Variants in GINS4 observed in about 807,000 individuals in gnomAD.
GINS4 encodes the protein DNA replication complex GINS protein SLD5.
Under a neutral mutation model 31.1 loss-of-function variants are expected in GINS4, and 20 were observed. The ratio of observed to expected loss-of-function variants is 0.64; its 90% CI spans 0.45 to 0.93. GINS4 has a LOEUF of 0.93. Among genes scored for constraint, GINS4 ranks in the 40% least tolerant of loss-of-function variants. GINS4 has a pLI of 0.00. For missense variants in GINS4, 245 were observed against 273.9 expected (o/e 0.89, Z 0.75); for synonymous variants, 85 against 97.9 (o/e 0.87, Z 0.78).
At chr8:41,541,006 C>T (rs530964107) in intron 6 of GINS4, among the ~76,000 whole-genome samples, 75 of 152,296 alleles carry the variant, frequency 4.9e-4, no homozygotes, top group Middle Eastern at 6.8e-3. Flanking sequence ...TATAAGATCA[C>T]TAATCCTAGT....
Position 41,530,239 on chromosome 8 carries a change from G to C in GINS4, c.37G>C (p.Asp13His). Reference protein sequence around the residue: ...EEVDFLGQDSDGGSEEVVLTP... With the variant: ...EEVDFLGQDSHGGSEEVVLTP... ...AGTGGATTTCCTGGGACAGGACTCT[G>C]ATGGGGGTAGTGAGGAAGTGGTCCT... The change falls in exon 2 of 8, where the codon GAT (aspartate) becomes CAT (histidine). Residue 13 changes from aspartate to histidine, a missense_variant. Physicochemically the swap from Asp to His is moderately conservative, Grantham distance 81. Coordinates refer to ENST00000276533, the MANE Select transcript of GINS4 (RefSeq NM_032336.3). The C allele has an allele frequency of 6.2e-7, 1 of 1,614,078 alleles. No homozygotes were observed. Among genetic ancestry groups the C allele is most frequent in the Non-Finnish European group, 8.5e-7 (1 of 1,179,926 alleles).
chr8:41,536,395 G>A lies in GINS4; in HGVS notation c.132G>A (p.Leu44=). ...WMNEKFAPEL[L]ESKPEIVECV... ...ATGAAAAGTTTGCCCCTGAGCTGCTGGAGAGCAAGCCTGAGATTGTAGAAT... is the reference window on the plus strand; with the variant it reads ...ATGAAAAGTTTGCCCCTGAGCTGCTAGAGAGCAAGCCTGAGATTGTAGAAT... The change falls in exon 3 of 8, where the codon CTG becomes CTA. Residue 44 remains leucine, a synonymous_variant. Coordinates refer to ENST00000276533, the MANE Select transcript of GINS4 (RefSeq NM_032336.3). The A allele has an allele frequency of 6.2e-7, 1 of 1,612,608 alleles. No homozygotes were observed. The highest frequency in any genetic ancestry group is 2.2e-5 in the East Asian group (1 of 44,882).
At chr8:41,531,491 C>T (rs1365417441) in intron 2 of GINS4, among the ~76,000 whole-genome samples, 1 of 152,186 alleles carries the variant, frequency 6.6e-6, no homozygotes, top group Non-Finnish European at 1.5e-5. Context: ...ATTCTTCATT[C>T]TTCCCTGCCA....
chr8:41,540,259 G>A, intron 6 of GINS4: 1 of 531,888 alleles, frequency 1.9e-6, no homozygotes, highest in South Asian at 2.1e-5. Flanking sequence ...CTCGGGCATG[G>A]AGCCGCGTTC....
chr8:41,534,738 CT>C (rs571230432), intron 2 of GINS4, among the ~76,000 whole-genome samples: 202 of 143,710 alleles, frequency 1.4e-3, no homozygotes, highest in Admixed American at 1.5e-3. Context: ...CACACAGGGT[CT>C]TTTTTTTTTT....
rs756863199 is a variant in GINS4 at position 41,540,016 on chromosome 8, G to A, written c.484+12G>A. On this transcript the variant is annotated intron_variant, in intron 6 of 7. Coordinates refer to ENST00000276533, the MANE Select transcript of GINS4 (RefSeq NM_032336.3). ...CCTCTTTCGGGCAGGTAAACAGGAC[G>A]TTCTCCCTGCAGGTGGCCCACCCAT... The A allele has an allele frequency of 1.0e-5, 16 of 1,601,364 alleles. No individual in the cohort carries two copies. The highest frequency in any genetic ancestry group is 4.5e-5 in the East Asian group (2 of 44,848).
intron 6 of GINS4, chr8:41,540,443 A>T (rs982208906): frequency 1.5e-5 from 3 of 200,452 alleles, no homozygotes; most frequent in Admixed American, 5.5e-5. Flanking sequence ...ACAGGAGGCT[A>T]GGGAGACCTC....
intron 3 of GINS4, among the ~76,000 whole-genome samples, chr8:41,536,916 A>G (rs1806749148): frequency 1.3e-5 from 2 of 152,232 alleles, no homozygotes; most frequent in East Asian, 1.9e-4. Flanking sequence ...TTTAGACCCA[A>G]TGGAAGTTTC....
In GINS4 at chr8:41,542,299, G is replaced by A. The variant is rs1806856647; in HGVS notation, c.*212G>A. 1 of 560,522 alleles carries A rather than the reference G, an allele frequency of 1.8e-6. No individual in the cohort carries two copies. Among genetic ancestry groups the A allele is most frequent in the Non-Finnish European group, 3.2e-6 (1 of 310,172 alleles). 34.7% of individuals were successfully genotyped at this position (560,522 alleles called of 1,614,324 possible). A position where few individuals can be genotyped will look rare whatever the true frequency, so the allele number is the denominator to read the frequency against. ...CTCAGGAGGCCGGGGCAGGAGAATCGCTTGAACCTGGGAGCAGGAGGTTGC... is the reference window on the plus strand; with the variant it reads ...CTCAGGAGGCCGGGGCAGGAGAATCACTTGAACCTGGGAGCAGGAGGTTGC... On this transcript the variant is annotated 3_prime_UTR_variant, in exon 8 of 8. Coordinates refer to ENST00000276533, the MANE Select transcript of GINS4 (RefSeq NM_032336.3).
intron 1 of GINS4, chr8:41,529,910 A>T: frequency 3.5e-6 from 1 of 284,600 alleles, no homozygotes; most frequent in Non-Finnish European, 6.6e-6. Context: ...GAAGTCAAAG[A>T]AATGAATAGT....
intron 2 of GINS4, among the ~76,000 whole-genome samples, chr8:41,536,054 G>A (rs577923694): frequency 2.6e-5 from 4 of 152,152 alleles, no homozygotes; most frequent in Non-Finnish European, 4.4e-5. Flanking sequence ...CCTGGCAAAG[G>A]CACTATTTGA....
chr8:41,536,310 T>C (rs1269734416), intron 2 of GINS4, 50 bp from the exon 3 acceptor site: 5 of 1,143,384 alleles, frequency 4.4e-6, no homozygotes, highest in South Asian at 3.7e-5. Context: ...CACTGGGTTG[T>C]TTAGCTCTGT....
chr8:41,542,261 G>A lies in GINS4; in HGVS notation c.*174G>A, dbSNP rs1806856088. The A allele has an allele frequency of 1.3e-5, 8 of 610,448 alleles. No individual in the cohort carries two copies. The South Asian group carries it at 1.5e-4, about 11-fold the overall frequency. The allele number at this position is 610,448 out of a possible 1,614,324, so 37.8% of individuals were successfully genotyped here. A position where few individuals can be genotyped will look rare whatever the true frequency, so the allele number is the denominator to read the frequency against. On this transcript the variant is annotated 3_prime_UTR_variant, in exon 8 of 8. Transcript: ENST00000276533. The stretch of plus-strand genomic sequence containing the variant: ...AGCCGGGTGTTGGTGGTGTGCACCT[G>A]TAATCCCAGCTACTCAGGAGGCCGG...
intron 6 of GINS4, 46 bp from the exon 7 acceptor site, chr8:41,541,763 T>G: frequency 6.6e-7 from 1 of 1,510,222 alleles, no homozygotes. Context: ...CTTTGTTGAC[T>G]TTGTTGGCCG....
In GINS4 at chr8:41,530,237, C is replaced by G; in HGVS notation, c.35C>G (p.Ser12Cys). ...GAAGTGGATTTCCTGGGACAGGACT[C>G]TGATGGGGGTAGTGAGGAAGTGGTC... is the stretch of plus-strand genomic sequence containing the variant. ...TEEVDFLGQD[S>C]DGGSEEVVLT... Residue 12 changes from serine (S) to cysteine (C), a missense_variant, in exon 2 of 8, where the codon TCT becomes TGT. Transcript: ENST00000276533. The G allele has an allele frequency of 1.9e-6, 3 of 1,613,980 alleles. No homozygotes were observed. Among genetic ancestry groups the G allele is most frequent in the Non-Finnish European group, 2.5e-6 (3 of 1,179,868 alleles).
chr8:41,534,266 G>T, intron 2 of GINS4: 1 of 429,918 alleles, frequency 2.3e-6, no homozygotes. Context: ...AATTAGCCAG[G>T]CTTTGTGGTA....
At chr8:41,537,116 A>C in intron 3 of GINS4, 64 bp from the exon 4 acceptor site, 1 of 1,012,210 alleles carries the variant, frequency 9.9e-7, no homozygotes, top group Non-Finnish European at 1.5e-6. Flanking sequence ...CTGGGTCCTC[A>C]ACGTTGCCGG....
At chr8:41,533,635 C>CT (rs753305894) in intron 2 of GINS4, among the ~76,000 whole-genome samples, 14 of 152,204 alleles carry the variant, frequency 9.2e-5, no homozygotes, top group Non-Finnish European at 2.1e-4. Context: ...GCTCCAGGAG[C>CT]ATATATAGGA....
At position 41,537,472 on chromosome 8, in the gene GINS4, A is replaced by G; in HGVS notation, c.297+179A>G. On this transcript the variant is annotated intron_variant, in intron 4 of 7. Coordinates refer to ENST00000276533, the MANE Select transcript of GINS4 (RefSeq NM_032336.3). The stretch of plus-strand genomic sequence containing the variant: ...GCGAGAGATTGCTCCACAGAAGCAC[A>G]GAGGAACGTGTGTGGCCCACTGCGG... 1.4e-5 allele frequency: 8 copies of G among 564,334 alleles called. No individual in the cohort carries two copies. In the South Asian group the frequency reaches 1.5e-4, roughly 11 times the overall value. The allele number at this position is 564,334 out of a possible 1,614,324, so 35.0% of individuals were successfully genotyped here.
Sources: allele counts gnomAD v4.1 joint callset (sites outside exome capture counted in the v4.1 genomes callset), GRCh38; gene constraint gnomAD v4.1.1; transcripts MANE v1.5; gene names NCBI Gene and HGNC (gene_info 2026-07-23, HGNC 2026-07-21).